LRP1B: variants seen among roughly 807,000 people sequenced by gnomAD.
The protein encoded by LRP1B is low-density lipoprotein receptor-related protein 1B.
A neutral mutation model predicts 556.6 loss-of-function variants in LRP1B; 217 were observed. That is an observed-to-expected ratio of 0.39 (90% CI 0.35 to 0.44). LRP1B has a LOEUF of 0.44. Among genes scored for constraint, LRP1B ranks in the 20% least tolerant of loss-of-function variants. LRP1B has a pLI of 1.00. For synonymous variants in LRP1B, 2,047 were observed against 1,865.8 expected (o/e 1.10, Z -2.50); for missense variants, 5,053 against 5,620.8 (o/e 0.90, Z 3.23).
intron 2 of LRP1B, among the ~76,000 whole-genome samples, chr2:141,513,947 T>C (rs1684215630): frequency 6.6e-6 from 1 of 152,148 alleles, no homozygotes; most frequent in African/African-American, 2.4e-5. Context: ...CTTATAATTG[T>C]TGCCTTGGCA....
intron 7 of LRP1B, chr2:141,167,195 C>G (rs983695180): frequency 6.6e-6 from 1 of 151,846 alleles, no homozygotes; most frequent in African/African-American, 2.4e-5. Flanking sequence ...CCACTCTTTA[C>G]TACACTTGTT....
chr2:141,842,785 T>G (rs948298214), intron 1 of LRP1B, among the ~76,000 whole-genome samples: 24 of 152,138 alleles, frequency 1.6e-4, no homozygotes, highest in Admixed American at 1.6e-3. Flanking sequence ...CCTGTTTAGT[T>G]TCATACATAT....
chr2:140,820,582 C>T (rs996062364), intron 31 of LRP1B, among the ~76,000 whole-genome samples: 2 of 147,102 alleles, frequency 1.4e-5, no homozygotes, highest in Admixed American at 6.9e-5. Context: ...GAGGAAAAAC[C>T]AGAATCAACG....
chr2:141,200,438 T>G (rs1271181846), intron 6 of LRP1B, among the ~76,000 whole-genome samples: 3 of 152,112 alleles, frequency 2.0e-5, no homozygotes, highest in South Asian at 2.1e-4. Context: ...ATTCTGGGCT[T>G]AATACCTAGG....
At chr2:141,908,207 T>C (rs1399843506) in intron 1 of LRP1B, among the ~76,000 whole-genome samples, 1 of 152,094 alleles carries the variant, frequency 6.6e-6, no homozygotes, top group Non-Finnish European at 1.5e-5. Context: ...ATATATGTTA[T>C]TTGTTCATTT....
At chr2:141,363,150 A>G (rs1052849533) in intron 3 of LRP1B, among the ~76,000 whole-genome samples, 4 of 152,190 alleles carry the variant, frequency 2.6e-5, no homozygotes, top group Non-Finnish European at 5.9e-5. Context: ...TTTTTCTGAT[A>G]TATGACATAC....
chr2:141,413,644 A>G (rs956249070), intron 3 of LRP1B, among the ~76,000 whole-genome samples: 1 of 152,012 alleles, frequency 6.6e-6, no homozygotes, highest in East Asian at 1.9e-4. Context: ...GCATGCAGTG[A>G]CTCCCACCTG....
intron 3 of LRP1B, among the ~76,000 whole-genome samples, chr2:141,478,457 A>G (rs1030686804): frequency 6.6e-6 from 1 of 152,180 alleles, no homozygotes; most frequent in African/African-American, 2.4e-5. Context: ...ATCCAAAAAG[A>G]AAATTAAACT....
intron 1 of LRP1B, among the ~76,000 whole-genome samples, chr2:142,083,354 CCTT>C: frequency 6.6e-6 from 1 of 152,192 alleles, no homozygotes; most frequent in African/African-American, 2.4e-5. Context: ...AATTAATTTC[CCTT>C]CTTCTCACTT....
chr2:141,914,026 G>A (rs751261513), intron 1 of LRP1B, among the ~76,000 whole-genome samples: 5 of 152,116 alleles, frequency 3.3e-5, no homozygotes, highest in Admixed American at 1.3e-4. Context: ...GATTACAGAC[G>A]TGAGCCACTG....
chr2:142,066,495 T>C (rs946679076), intron 1 of LRP1B, among the ~76,000 whole-genome samples: 5 of 151,598 alleles, frequency 3.3e-5, no homozygotes, highest in Admixed American at 3.3e-4. Context: ...TCTCTCCCCC[T>C]CTCAAATAAC....
chr2:141,153,576 T>A (rs1444049353), intron 7 of LRP1B, among the ~76,000 whole-genome samples: 7 of 129,802 alleles, frequency 5.4e-5, no homozygotes, highest in African/African-American at 2.2e-4. Context: ...TATATAATAA[T>A]ATATTATATA....
At chr2:141,732,095 G>A (rs1169282745) in intron 2 of LRP1B, among the ~76,000 whole-genome samples, 1 of 152,048 alleles carries the variant, frequency 6.6e-6, no homozygotes, top group Non-Finnish European at 1.5e-5. Flanking sequence ...TACCTAAATG[G>A]TAATGACCTT....
At chr2:141,736,214 T>C (rs1317033994) in intron 2 of LRP1B, among the ~76,000 whole-genome samples, 1 of 152,168 alleles carries the variant, frequency 6.6e-6, no homozygotes, top group Non-Finnish European at 1.5e-5. Context: ...ATAATGGCTC[T>C]GGATGGGCTT....
chr2:141,794,768 T>C (rs1362599130), intron 2 of LRP1B, among the ~76,000 whole-genome samples: 1 of 151,994 alleles, frequency 6.6e-6, no homozygotes, highest in Non-Finnish European at 1.5e-5. Flanking sequence ...ACCAACGAAA[T>C]AAAGTCCTAT....
In LRP1B at chr2:141,019,954, A is replaced by T. The variant is rs2105396654; in HGVS notation, c.1938T>A (p.His646Gln). ...CTGGATCCACCACAATTCCTCTGGG[A>T]TGAGACATTTCACCCTCTAAAAGAG... Reference protein sequence around the residue: ...RKTLLEGEMSHPRGIVVDPVN... With the variant: ...RKTLLEGEMSQPRGIVVDPVN... Residue 646 changes from histidine to glutamine, a missense_variant, in exon 12 of 91, where the codon CAT (histidine) becomes CAA (glutamine). Coordinates refer to ENST00000389484, the MANE Select transcript of LRP1B (RefSeq NM_018557.3). 6.2e-7 allele frequency: 1 copy of T among 1,610,432 alleles called. No individual in the cohort carries two copies. The highest frequency in any genetic ancestry group is 8.5e-7 in the Non-Finnish European group (1 of 1,177,844).
rs1022690596 is a variant in LRP1B, at chr2:140,513,149, T to C, written c.8269+1504A>G. On this transcript the variant is annotated intron_variant, in intron 51 of 90. Coordinates refer to ENST00000389484, the MANE Select transcript of LRP1B (RefSeq NM_018557.3). ...TTATGTTGGATGATCATATTAGGTA[T>C]ACAGGTATATAAGTACAAATCTTTT... 4.6e-5 allele frequency among the ~76,000 whole-genome samples: 7 copies of C among 152,208 alleles called. No homozygotes were observed. The East Asian group carries it at 1.4e-3, about 29-fold the overall frequency.
At chr2:140,865,817 T>A (rs535008737) in intron 27 of LRP1B, among the ~76,000 whole-genome samples, 1 of 152,234 alleles carries the variant, frequency 6.6e-6, no homozygotes, top group African/African-American at 2.4e-5. Flanking sequence ...ATATAAATCA[T>A]ATTTTGAGTT....
At chr2:140,907,737 A>T (rs1047662393) in intron 22 of LRP1B, 140 bp downstream of exon 22, 1 of 770,182 alleles carries the variant, frequency 1.3e-6, no homozygotes, top group African/African-American at 1.7e-5. Flanking sequence ...TGTCTGAGAA[A>T]TGTAGACAAG....
Sources: allele counts gnomAD v4.1 joint callset (sites outside exome capture counted in the v4.1 genomes callset), GRCh38; gene constraint gnomAD v4.1.1; transcripts MANE v1.5; gene names NCBI Gene and HGNC (gene_info 2026-07-23, HGNC 2026-07-21).